The following LINGO2 variants were observed in gnomAD, a reference collection of about 807,000 sequenced individuals.
The protein encoded by LINGO2 is leucine-rich repeat and immunoglobulin-like domain-containing nogo receptor-interacting protein 2.
A neutral mutation model predicts 30.6 loss-of-function variants in LINGO2; 14 were observed. The observed-to-expected ratio is 0.46, with a 90% CI of 0.30 to 0.72. LINGO2 has a LOEUF of 0.72. Among genes scored for constraint, LINGO2 ranks in the 30% least tolerant of loss-of-function variants. LINGO2 has a pLI of 0.07. For synonymous variants in LINGO2, 317 were observed against 288.5 expected (o/e 1.10, Z -1.00); for missense variants, 729 against 751.7 (o/e 0.97, Z 0.35).
chr9:28,360,867 A>G (rs1267104566), intron 3 of LINGO2, among the ~76,000 whole-genome samples: 2 of 152,132 alleles, frequency 1.3e-5, no homozygotes, highest in African/African-American at 2.4e-5. Context: ...AACTCAGAAT[A>G]TATAGGAGTA....
At chr9:28,046,999 G>C (rs549414114) in intron 4 of LINGO2, among the ~76,000 whole-genome samples, 1 of 152,224 alleles carries the variant, frequency 6.6e-6, no homozygotes, top group South Asian at 2.1e-4. Flanking sequence ...GATAAATGCT[G>C]CTGCTGGGAA....
In LINGO2 at chr9:28,607,027, A is replaced by C. The variant is rs111886135; in HGVS notation, c.-365+63173T>G. ...TTACAGCAAATCAATTGAAACATTC[A>C]GTAACGTCTTTAAAATATCCGAAGG... is the stretch of plus-strand genomic sequence containing the variant. On this transcript the variant is annotated intron_variant, in intron 1 of 5. Transcript: ENST00000379992. Among the ~76,000 whole-genome samples, 9 of 152,218 alleles carry C rather than the reference A, an allele frequency of 5.9e-5. 1 individual carries two copies. Among genetic ancestry groups the C allele is most frequent in the African/African-American group, 1.9e-4 (8 of 41,564 alleles).
At chr9:28,502,131 G>GACACACACACACACAGACAC (rs1819913379) in intron 1 of LINGO2, among the ~76,000 whole-genome samples, 1 of 147,030 alleles carries the variant, frequency 6.8e-6, no homozygotes, top group Non-Finnish European at 1.5e-5. Context: ...GAGAAACACA[G>GACACACACACACACAGACAC]ACACACACAC....
At chr9:29,192,721 C>G in the LINGO2 span, among the ~76,000 whole-genome samples, 1 of 152,146 alleles carries the variant, frequency 6.6e-6, no homozygotes. Flanking sequence ...GTTTGATTTT[C>G]TGTACCTCAC....
intron 4 of LINGO2, among the ~76,000 whole-genome samples, chr9:28,046,261 A>C (rs1824416549): frequency 1.3e-5 from 2 of 152,318 alleles, no homozygotes; most frequent in South Asian, 4.1e-4. Flanking sequence ...GAAGAGTTTA[A>C]CAGTTTAACT....
At chr9:27,952,102 G>A (rs959678886) in intron 5 of LINGO2, among the ~76,000 whole-genome samples, 6 of 152,058 alleles carry the variant, frequency 3.9e-5, no homozygotes, top group African/African-American at 1.4e-4. Context: ...GTCTATCATG[G>A]AAACCAATGG....
the LINGO2 span, among the ~76,000 whole-genome samples, chr9:28,766,188 C>T: frequency 6.6e-6 from 1 of 151,848 alleles, no homozygotes; most frequent in Admixed American, 6.6e-5. Context: ...TATTTGCAAA[C>T]CATATATCTG....
At chr9:29,050,118 T>A in the LINGO2 span, among the ~76,000 whole-genome samples, 1 of 152,140 alleles carries the variant, frequency 6.6e-6, no homozygotes, top group Non-Finnish European at 1.5e-5. Context: ...CTCTGCCTCC[T>A]GAGTTCAAGC....
chr9:28,472,566 G>A (rs765700919), intron 2 of LINGO2, among the ~76,000 whole-genome samples: 14 of 151,864 alleles, frequency 9.2e-5, no homozygotes, highest in East Asian at 1.9e-4. Context: ...ACAAAAAATC[G>A]TAGACCACAG....
the LINGO2 span, among the ~76,000 whole-genome samples, chr9:29,110,290 T>A: frequency 6.6e-6 from 1 of 152,234 alleles, no homozygotes; most frequent in Admixed American, 6.5e-5. Context: ...TCTCCTGCCA[T>A]AACTAATTTC....
the LINGO2 span, among the ~76,000 whole-genome samples, chr9:28,721,175 G>A: frequency 6.6e-6 from 1 of 152,120 alleles, no homozygotes; most frequent in Non-Finnish European, 1.5e-5. Context: ...TGCTGGTGAG[G>A]CTGTGGAGAA....
At chr9:29,145,694 T>A in the LINGO2 span, among the ~76,000 whole-genome samples, 1 of 152,294 alleles carries the variant, frequency 6.6e-6, no homozygotes, top group South Asian at 2.1e-4. Flanking sequence ...GTGTGATAAA[T>A]CATGAGTTGT....
the LINGO2 span, among the ~76,000 whole-genome samples, chr9:29,084,216 G>T: frequency 6.6e-6 from 1 of 152,042 alleles, no homozygotes; most frequent in African/African-American, 2.4e-5. Flanking sequence ...GAAATTTTAA[G>T]GAGAAATGAC....
chr9:28,889,776 C>T, the LINGO2 span, among the ~76,000 whole-genome samples: 129,083 of 151,636 alleles, frequency 0.85, 55,108 homozygotes, highest in Non-Finnish European at 0.89. Flanking sequence ...CAGACTCTAG[C>T]TCTAACGTTC....
At chr9:28,534,315 T>A (rs1179789515) in intron 1 of LINGO2, among the ~76,000 whole-genome samples, 1 of 152,162 alleles carries the variant, frequency 6.6e-6, no homozygotes, top group Non-Finnish European at 1.5e-5. Context: ...TGCCATCACT[T>A]CTGGCTTCAT....
the LINGO2 span, among the ~76,000 whole-genome samples, chr9:28,934,076 C>T: frequency 1.3e-5 from 2 of 152,140 alleles, no homozygotes; most frequent in African/African-American, 2.4e-5. Context: ...TCTTCCTGGC[C>T]AATGTAACGA....
At chr9:28,089,718 A>G (rs1385976220) in intron 4 of LINGO2, among the ~76,000 whole-genome samples, 5 of 152,130 alleles carry the variant, frequency 3.3e-5, no homozygotes, top group East Asian at 1.9e-4. Flanking sequence ...TAAGATCAGA[A>G]CAGAACTGAA....
At chr9:29,153,950 G>A in the LINGO2 span, among the ~76,000 whole-genome samples, 1 of 152,124 alleles carries the variant, frequency 6.6e-6, no homozygotes, top group Non-Finnish European at 1.5e-5. Flanking sequence ...GATCCAGATA[G>A]AAGTTCTCTC....
chr9:29,019,855 C>A, the LINGO2 span, among the ~76,000 whole-genome samples: 1 of 152,112 alleles, frequency 6.6e-6, no homozygotes, highest in Non-Finnish European at 1.5e-5. Context: ...AAAGCTCAGT[C>A]TCTAGTACAA....
Sources: allele counts gnomAD v4.1 joint callset (sites outside exome capture counted in the v4.1 genomes callset), GRCh38; gene constraint gnomAD v4.1.1; transcripts MANE v1.5; gene names NCBI Gene and HGNC (gene_info 2026-07-23, HGNC 2026-07-21).